Variants in MCAT observed in about 807,000 individuals in gnomAD.
MCAT encodes malonyl-CoA-acyl carrier protein transacylase, also known as malonyl-CoA-acyl carrier protein transacylase, mitochondrial.
A neutral mutation model predicts 22.9 loss-of-function variants in MCAT; 22 were observed. That is an observed-to-expected ratio of 0.96 (90% CI 0.69 to 1.37). MCAT has a LOEUF of 1.37. Ranked by LOEUF, MCAT falls within the 40% of genes most tolerant of loss-of-function variation. MCAT has a pLI of 0.00. For missense variants in MCAT, 534 were observed against 533.6 expected (o/e 1.00, Z -0.01); for synonymous variants, 240 against 233.9 (o/e 1.03, Z -0.24).
chr22:43,132,944 T>C lies in MCAT; in HGVS notation c.*99A>G. On this transcript the variant is annotated 3_prime_UTR_variant, in exon 4 of 4. Transcript: ENST00000290429. ...GTTGCAAACAAATCCCTTTCACTCC[T>C]CAGAGGAGGAGCCATTAGGAAGGTA... 8.8e-7 allele frequency: 1 copy of C among 1,142,206 alleles called. No individual in the cohort carries two copies. The highest frequency in any genetic ancestry group is 1.3e-6 in the Non-Finnish European group (1 of 793,652). 70.8% of individuals were successfully genotyped at this position (1,142,206 alleles called of 1,614,324 possible). A position where few individuals can be genotyped will look rare whatever the true frequency, so the allele number is the denominator to read the frequency against.
At chr22:43,141,305 G>C in intron 1 of MCAT, 56 bp from the exon 2 acceptor site, 2 of 1,481,892 alleles carry the variant, frequency 1.3e-6, no homozygotes, top group Non-Finnish European at 1.9e-6. Flanking sequence ...CCCAGTTCCA[G>C]GGCTCTGTAC....
intron 2 of MCAT, among the ~76,000 whole-genome samples, chr22:43,138,593 C>T (rs1056814796): frequency 2.6e-5 from 4 of 152,074 alleles, no homozygotes; most frequent in Non-Finnish European, 4.4e-5. Flanking sequence ...AAAAATTAGC[C>T]GGGCGTGGCA....
intron 2 of MCAT, among the ~76,000 whole-genome samples, chr22:43,139,580 CTTT>C (rs55787888): frequency 7.0e-5 from 10 of 142,188 alleles, no homozygotes; most frequent in Admixed American, 1.4e-4. Context: ...TAATTCTGCA[CTTT>C]TTTTTTTTTT....
At chr22:43,137,013 C>T (rs754926632) in intron 3 of MCAT, 68 bp downstream of exon 3, 75 of 1,363,124 alleles carry the variant, frequency 5.5e-5, no homozygotes, top group Middle Eastern at 1.8e-4. Context: ...CTAGGCCTCA[C>T]GGGTGTGGAG....
At chr22:43,138,124 G>C (rs1306064772) in intron 2 of MCAT, among the ~76,000 whole-genome samples, 1 of 152,146 alleles carries the variant, frequency 6.6e-6, no homozygotes, top group Admixed American at 6.5e-5. Flanking sequence ...ATGCTTGGGA[G>C]GCTGACACGG....
In MCAT at chr22:43,135,510, CA is replaced by C. The variant is rs1300123609; in HGVS notation, c.729+1570del. 2.1e-3 allele frequency among the ~76,000 whole-genome samples: 164 copies of C among 76,378 alleles called. 1 individual carries two copies. Among genetic ancestry groups the C allele is most frequent in the Middle Eastern group, 8.2e-3 (1 of 122 alleles). The allele number at this position is 76,378 out of a possible 152,430, so 50.1% of individuals were successfully genotyped here. A position where few individuals can be genotyped will look rare whatever the true frequency, so the allele number is the denominator to read the frequency against. The stretch of plus-strand genomic sequence containing the variant: ...CAGAGTAAGACATTGTCTCAAAAAA[CA>C]AAAAAAAAAAAAAAAAAAATCAAAA... On this transcript the variant is annotated intron_variant, in intron 3 of 3. Coordinates refer to ENST00000290429, the MANE Select transcript of MCAT (RefSeq NM_173467.5).
In MCAT at chr22:43,132,940, C is replaced by A. The variant is rs1930487637; in HGVS notation, c.*103G>T. 3 of 1,080,024 alleles carry A rather than the reference C, an allele frequency of 2.8e-6. No homozygotes were observed. Among genetic ancestry groups the A allele is most frequent in the Non-Finnish European group, 4.1e-6 (3 of 740,504 alleles). 66.9% of individuals were successfully genotyped at this position (1,080,024 alleles called of 1,614,324 possible). A position where few individuals can be genotyped will look rare whatever the true frequency, so the allele number is the denominator to read the frequency against. On this transcript the variant is annotated 3_prime_UTR_variant, in exon 4 of 4. Coordinates refer to ENST00000290429, the MANE Select transcript of MCAT (RefSeq NM_173467.5). ...GCACGTTGCAAACAAATCCCTTTCACTCCTCAGAGGAGGAGCCATTAGGAA... is the reference window on the plus strand; with the variant it reads ...GCACGTTGCAAACAAATCCCTTTCAATCCTCAGAGGAGGAGCCATTAGGAA...
chr22:43,142,768 C>A (rs1382163970), intron 1 of MCAT, 158 bp downstream of exon 1: 3 of 362,520 alleles, frequency 8.3e-6, no homozygotes, highest in African/African-American at 7.2e-5. Flanking sequence ...GAGCGAGACT[C>A]CGTCTCAAAA....
chr22:43,140,886 G>T, intron 2 of MCAT: 1 of 420,854 alleles, frequency 2.4e-6, no homozygotes, highest in African/African-American at 2.0e-5. Flanking sequence ...ATACTCTCGT[G>T]TTGCAGGTGC....
intron 3 of MCAT, among the ~76,000 whole-genome samples, chr22:43,135,520 A>C (rs1326724348): frequency 6.6e-6 from 1 of 150,750 alleles, no homozygotes; most frequent in Non-Finnish European, 1.5e-5. Context: ...CAAAAAAAAA[A>C]AAAAAAAAAA....
chr22:43,142,792 C>G, intron 1 of MCAT, 134 bp downstream of exon 1: 2 of 989,876 alleles, frequency 2.0e-6, no homozygotes, highest in South Asian at 2.1e-5. Context: ...AAAACAAAAA[C>G]AAACAAAAAA....
chr22:43,141,622 A>G (rs903249727), intron 1 of MCAT, among the ~76,000 whole-genome samples: 2 of 151,668 alleles, frequency 1.3e-5, no homozygotes, highest in African/African-American at 4.8e-5. Flanking sequence ...CCCAGGCTGG[A>G]GTGCAATGGC....
chr22:43,134,059 C>T (rs1257411710), intron 3 of MCAT, among the ~76,000 whole-genome samples: 1 of 152,198 alleles, frequency 6.6e-6, no homozygotes, highest in Admixed American at 6.5e-5. Flanking sequence ...AGCCGCCGCA[C>T]CCGGATCTCA....
intron 1 of MCAT, among the ~76,000 whole-genome samples, chr22:43,141,461 G>C (rs1399374968): frequency 2.0e-5 from 3 of 152,180 alleles, no homozygotes; most frequent in Non-Finnish European, 1.5e-5. Context: ...GTTAGTTACA[G>C]TCCATCAACT....
At chr22:43,135,502 TCAAAAAA>T (rs1437128958) in intron 3 of MCAT, among the ~76,000 whole-genome samples, 3 of 39,638 alleles carry the variant, frequency 7.6e-5, no homozygotes, top group African/African-American at 1.1e-4. Context: ...AGACATTGTC[TCAAAAAA>T]CAAAAAAAAA....
At chr22:43,142,422 G>C (rs1486952670) in intron 1 of MCAT, among the ~76,000 whole-genome samples, 1 of 152,066 alleles carries the variant, frequency 6.6e-6, no homozygotes, top group Non-Finnish European at 1.5e-5. Context: ...GGGAGGCAGA[G>C]GTTGCAGTGA....
At chr22:43,139,380 G>A (rs985089425) in intron 2 of MCAT, among the ~76,000 whole-genome samples, 1 of 151,992 alleles carries the variant, frequency 6.6e-6, no homozygotes, top group Non-Finnish European at 1.5e-5. Context: ...TCTAAAATTA[G>A]CTGGGCATGA....
intron 3 of MCAT, among the ~76,000 whole-genome samples, chr22:43,134,894 C>T (rs1188743265): frequency 6.6e-6 from 1 of 152,238 alleles, no homozygotes; most frequent in Admixed American, 6.5e-5. Context: ...CCTAGATTGT[C>T]TGAGTGACTG....
At chr22:43,137,738 T>G (rs2147034879) in intron 2 of MCAT, among the ~76,000 whole-genome samples, 1 of 148,140 alleles carries the variant, frequency 6.8e-6, no homozygotes, top group Non-Finnish European at 1.5e-5. Context: ...CGCCACTGTT[T>G]TTTTTTTTTT....
Sources: allele counts gnomAD v4.1 joint callset (sites outside exome capture counted in the v4.1 genomes callset), GRCh38; gene constraint gnomAD v4.1.1; transcripts MANE v1.5; gene names NCBI Gene and HGNC (gene_info 2026-07-23, HGNC 2026-07-21).